The following NARS2 variants were observed in gnomAD, a reference collection of about 807,000 sequenced individuals.
The protein encoded by NARS2 is asparaginyl-tRNA synthetase 2, mitochondrial, also known as asparaginyl-tRNA synthetase.
In NARS2, 60 loss-of-function variants were observed where a neutral mutation model predicts 62.9. The observed-to-expected ratio is 0.95, with a 90% CI of 0.77 to 1.18. The LOEUF is 1.18. Ranked by LOEUF, NARS2 falls within the 50% of genes most tolerant of loss-of-function variation. The pLI is 0.00. For synonymous variants in NARS2, 196 were observed against 200.0 expected (o/e 0.98, Z 0.17); for missense variants, 619 against 576.4 (o/e 1.07, Z -0.76).
At chr11:78,488,722 A>G (rs1364868163) in intron 7 of NARS2, among the ~76,000 whole-genome samples, 1 of 152,216 alleles carries the variant, frequency 6.6e-6, no homozygotes. Flanking sequence ...TAGTAGTAAG[A>G]CTGTTGTTTT....
At chr11:78,470,960 C>CACA (rs960907198) in intron 9 of NARS2, among the ~76,000 whole-genome samples, 2 of 148,308 alleles carry the variant, frequency 1.3e-5, no homozygotes, top group Admixed American at 6.8e-5. Context: ...ATTTATCCAG[C>CACA]ACAAACTTGT....
chr11:78,501,807 T>C (rs906242562), intron 6 of NARS2, among the ~76,000 whole-genome samples: 2 of 152,188 alleles, frequency 1.3e-5, no homozygotes, highest in African/African-American at 4.8e-5. Flanking sequence ...AAATTAAACA[T>C]AGAATGACCC....
At chr11:78,476,557 T>C (rs1453169289) in intron 9 of NARS2, among the ~76,000 whole-genome samples, 1 of 152,170 alleles carries the variant, frequency 6.6e-6, no homozygotes, top group Non-Finnish European at 1.5e-5. Flanking sequence ...TTCCCAAATT[T>C]TGGGATTTTC....
At chr11:78,506,537 TTAAC>T (rs1165066446) in intron 6 of NARS2, among the ~76,000 whole-genome samples, 3 of 152,124 alleles carry the variant, frequency 2.0e-5, no homozygotes, top group Non-Finnish European at 2.9e-5. Context: ...TTTGTCTGAT[TTAAC>T]TGTTTTGTTT....
rs563000347 is a variant in NARS2 at position 78,478,367 on chromosome 11, A to T, written c.959+71T>A. The T allele has an allele frequency of 9.5e-5, 62 of 652,858 alleles. No homozygotes were observed. In the East Asian group the frequency reaches 9.8e-4, roughly 10 times the overall value. 40.4% of individuals were successfully genotyped at this position (652,858 alleles called of 1,614,324 possible). A position where few individuals can be genotyped will look rare whatever the true frequency, so the allele number is the denominator to read the frequency against. On this transcript the variant is annotated intron_variant, in intron 9 of 13. Coordinates refer to ENST00000281038, the MANE Select transcript of NARS2 (RefSeq NM_024678.6). ...GATCTATATAAGCAGATATAAATTT[A>T]AAAAATTATAATATAGTGTGATAAA...
intron 6 of NARS2, among the ~76,000 whole-genome samples, chr11:78,495,806 G>A (rs2135337103): frequency 6.6e-6 from 1 of 152,324 alleles, no homozygotes; most frequent in South Asian, 2.1e-4. Flanking sequence ...ATCTGTGACT[G>A]TGCCATCTCT....
intron 10 of NARS2, among the ~76,000 whole-genome samples, chr11:78,466,343 A>T (rs1858621585): frequency 6.6e-6 from 1 of 151,766 alleles, no homozygotes; most frequent in African/African-American, 2.4e-5. Context: ...ATAAAAAAAA[A>T]AACCTGACTT....
intron 6 of NARS2, among the ~76,000 whole-genome samples, chr11:78,515,687 A>C (rs7124709): frequency 7.1e-6 from 1 of 141,584 alleles, no homozygotes; most frequent in Non-Finnish European, 1.6e-5. Context: ...CTGGCTGATT[A>C]AAAAAAAAAA....
At chr11:78,472,706 G>A (rs1024183512) in intron 9 of NARS2, among the ~76,000 whole-genome samples, 1 of 152,164 alleles carries the variant, frequency 6.6e-6, no homozygotes, top group Non-Finnish European at 1.5e-5. Context: ...CTGCATAAAG[G>A]ACAACAGTTT....
intron 7 of NARS2, among the ~76,000 whole-genome samples, chr11:78,483,372 T>C (rs1859439460): frequency 6.6e-6 from 1 of 152,176 alleles, no homozygotes; most frequent in Non-Finnish European, 1.5e-5. Context: ...CAACATAGTG[T>C]TGGAAGTTCT....
chr11:78,481,589 C>T (rs1364477698), intron 7 of NARS2, among the ~76,000 whole-genome samples: 3 of 152,098 alleles, frequency 2.0e-5, no homozygotes, highest in Non-Finnish European at 4.4e-5. Flanking sequence ...TCTGGCTGCC[C>T]TAATCTTGAC....
intron 9 of NARS2, among the ~76,000 whole-genome samples, chr11:78,469,706 G>C (rs1858783510): frequency 6.6e-6 from 1 of 152,150 alleles, no homozygotes; most frequent in Non-Finnish European, 1.5e-5. Flanking sequence ...CTAGGCACTG[G>C]AGATAAAAAT....
rs58769787 is a variant in NARS2, at chr11:78,479,799, G to A, written c.823-1116C>T. Among the ~76,000 whole-genome samples, 492 of 152,316 alleles carry A rather than the reference G, an allele frequency of 3.2e-3. 3 individuals are homozygous for A. The highest frequency in any genetic ancestry group is 0.011 in the African/African-American group (471 of 41,576). The stretch of plus-strand genomic sequence containing the variant: ...TTGAGGCTGGAAGCATAGTGAAGGC[G>A]TAACTGTCTATTGAAGTACATTAAT... On this transcript the variant is annotated intron_variant, in intron 7 of 13. Coordinates refer to ENST00000281038, the MANE Select transcript of NARS2 (RefSeq NM_024678.6).
chr11:78,551,256 G>A (rs1044500532), intron 5 of NARS2, among the ~76,000 whole-genome samples: 4 of 152,140 alleles, frequency 2.6e-5, no homozygotes, highest in African/African-American at 7.2e-5. Flanking sequence ...ACTGTTGTGC[G>A]AACATCACGG....
chr11:78,529,927 G>GT (rs1861419432), intron 5 of NARS2, among the ~76,000 whole-genome samples: 1 of 152,220 alleles, frequency 6.6e-6, no homozygotes, highest in African/African-American at 2.4e-5. Flanking sequence ...AATGGAGAAT[G>GT]TAAGACTCTT....
chr11:78,482,758 C>G (rs560849680), intron 7 of NARS2, among the ~76,000 whole-genome samples: 1 of 152,088 alleles, frequency 6.6e-6, no homozygotes, highest in Non-Finnish European at 1.5e-5. Context: ...CAATAGCCTA[C>G]CAACCAAAAA....
intron 6 of NARS2, among the ~76,000 whole-genome samples, chr11:78,521,789 C>CAAAAAAA (rs58282524): frequency 1.1e-4 from 11 of 96,346 alleles, no homozygotes; most frequent in African/African-American, 3.8e-4. Context: ...GACTCCGTCT[C>CAAAAAAA]AAAAAAAAAA....
intron 6 of NARS2, among the ~76,000 whole-genome samples, chr11:78,522,169 G>GCTGGTCTCAAACTT (rs888269384): frequency 2.0e-5 from 3 of 147,166 alleles, no homozygotes; most frequent in African/African-American, 7.7e-5. Context: ...TGTTGCCCAA[G>GCTGGTCTCAAACTT]CTGGTCTCAA....
At position 78,445,018 on chromosome 11, in the gene NARS2, A is replaced by G. The variant is rs1001984723; in HGVS notation, c.1165-1260T>C. Among the ~76,000 whole-genome samples, 3 of 152,184 alleles carry G rather than the reference A, an allele frequency of 2.0e-5. No homozygotes were observed. In the East Asian group the frequency reaches 5.8e-4, roughly 29 times the overall value. ...TTTATTACAGCATTACTTATGACAA[A>G]AAGTTCAAATGTACATCAACAGACT... On this transcript the variant is annotated intron_variant, in intron 11 of 13. Transcript: ENST00000281038.
Sources: allele counts gnomAD v4.1 joint callset (sites outside exome capture counted in the v4.1 genomes callset), GRCh38; gene constraint gnomAD v4.1.1; transcripts MANE v1.5; gene names NCBI Gene and HGNC (gene_info 2026-07-23, HGNC 2026-07-21).